Variants in KCND2 observed in about 807,000 individuals in gnomAD.
KCND2 encodes potassium voltage-gated channel subfamily D member 2.
In KCND2, 16 loss-of-function variants were observed where a neutral mutation model predicts 54.4. That is an observed-to-expected ratio of 0.29 (90% confidence interval 0.20 to 0.45). KCND2 has a LOEUF of 0.45. KCND2 is among the 20% of genes least tolerant of loss of function. The pLI, the probability that KCND2 is intolerant of heterozygous loss-of-function variation, is 1.00. For missense variants in KCND2, 486 were observed against 824.2 expected (o/e 0.59, Z 5.02); for synonymous variants, 317 against 310.7 (o/e 1.02, Z -0.21).
At chr7:120,332,834 T>C (rs1800087499) in intron 1 of KCND2, among the ~76,000 whole-genome samples, 1 of 152,124 alleles carries the variant, frequency 6.6e-6, no homozygotes, top group Non-Finnish European at 1.5e-5. Flanking sequence ...GAGTCAACAA[T>C]TTATATAAAG....
chr7:120,613,272 G>A (rs948647537), intron 1 of KCND2, among the ~76,000 whole-genome samples: 1 of 152,164 alleles, frequency 6.6e-6, no homozygotes, highest in African/African-American at 2.4e-5. Flanking sequence ...GTTCATGCCT[G>A]TAATCCCAGC....
chr7:120,660,385 A>C (rs1375757825), intron 1 of KCND2, among the ~76,000 whole-genome samples: 1 of 152,204 alleles, frequency 6.6e-6, no homozygotes, highest in African/African-American at 2.4e-5. Flanking sequence ...CTCTAACTAA[A>C]ACAAAAGTGA....
chr7:120,694,488 C>T (rs1052512142), intron 1 of KCND2, among the ~76,000 whole-genome samples: 1 of 152,152 alleles, frequency 6.6e-6, no homozygotes, highest in Non-Finnish European at 1.5e-5. Context: ...ACCGGCATCT[C>T]TTCCTATGCG....
intron 1 of KCND2, among the ~76,000 whole-genome samples, chr7:120,518,649 T>A (rs1803234098): frequency 6.6e-6 from 1 of 152,204 alleles, no homozygotes; most frequent in South Asian, 2.1e-4. Flanking sequence ...TCATTATAGC[T>A]GCTCTATAGG....
At chr7:120,500,551 C>T (rs1443248645) in intron 1 of KCND2, among the ~76,000 whole-genome samples, 2 of 151,940 alleles carry the variant, frequency 1.3e-5, no homozygotes, top group Admixed American at 6.6e-5. Context: ...CTTCGTAAGA[C>T]CACTATTTGG....
chr7:120,563,181 T>A (rs1200063527), intron 1 of KCND2, among the ~76,000 whole-genome samples: 1 of 152,140 alleles, frequency 6.6e-6, no homozygotes, highest in East Asian at 1.9e-4. Context: ...TTGATCACCA[T>A]TAGACAAATA....
intron 1 of KCND2, among the ~76,000 whole-genome samples, chr7:120,296,249 G>A (rs976458127): frequency 6.6e-6 from 1 of 151,910 alleles, no homozygotes; most frequent in South Asian, 2.1e-4. Flanking sequence ...TTCCAACTTT[G>A]GAAAGCTATG....
intron 1 of KCND2, among the ~76,000 whole-genome samples, chr7:120,371,306 G>T (rs1368605886): frequency 6.6e-6 from 1 of 152,038 alleles, no homozygotes; most frequent in Non-Finnish European, 1.5e-5. Flanking sequence ...CAGGGGCACT[G>T]CCTTATTTTT....
chr7:120,598,637 C>A (rs1322553297), intron 1 of KCND2, among the ~76,000 whole-genome samples: 5 of 151,978 alleles, frequency 3.3e-5, no homozygotes, highest in Non-Finnish European at 5.9e-5. Flanking sequence ...AGTAGTTTTT[C>A]AGATTTTTCA....
At chr7:120,706,824 A>G (rs1393098026) in intron 1 of KCND2, among the ~76,000 whole-genome samples, 2 of 152,160 alleles carry the variant, frequency 1.3e-5, no homozygotes, top group Non-Finnish European at 2.9e-5. Context: ...TTCAGGCTGT[A>G]TACTTAGTGC....
At chr7:120,419,963 C>A (rs1216693676) in intron 1 of KCND2, among the ~76,000 whole-genome samples, 1 of 145,954 alleles carries the variant, frequency 6.9e-6, no homozygotes, top group Non-Finnish European at 1.5e-5. Flanking sequence ...TTTTCCCTCC[C>A]TTCATCTTAC....
intron 1 of KCND2, among the ~76,000 whole-genome samples, chr7:120,419,365 G>A (rs867940794): frequency 6.6e-6 from 1 of 151,872 alleles, no homozygotes; most frequent in South Asian, 2.1e-4. Flanking sequence ...TAAAAGAATT[G>A]GTCAAAGAAA....
chr7:120,493,369 A>G (rs1802810364), intron 1 of KCND2, among the ~76,000 whole-genome samples: 1 of 152,016 alleles, frequency 6.6e-6, no homozygotes, highest in South Asian at 2.1e-4. Context: ...TCTGCAAAAT[A>G]TAGAGCTGTA....
At chr7:120,388,520 A>G (rs1801022167) in intron 1 of KCND2, among the ~76,000 whole-genome samples, 1 of 152,058 alleles carries the variant, frequency 6.6e-6, no homozygotes, top group African/African-American at 2.4e-5. Context: ...AATAAATAAT[A>G]GAGATGGAGG....
At chr7:120,476,296 A>T (rs905067030) in intron 1 of KCND2, among the ~76,000 whole-genome samples, 4 of 152,218 alleles carry the variant, frequency 2.6e-5, no homozygotes, top group Admixed American at 6.5e-5. Context: ...TAAAACACAT[A>T]AACCAACTTA....
chr7:120,314,963 A>G (rs567086310), intron 1 of KCND2, among the ~76,000 whole-genome samples: 1 of 151,636 alleles, frequency 6.6e-6, no homozygotes, highest in Non-Finnish European at 1.5e-5. Flanking sequence ...TTTTTTTTTT[A>G]AAAGAAAGCA....
At chr7:120,652,365 C>T (rs1414179798) in intron 1 of KCND2, among the ~76,000 whole-genome samples, 2 of 152,102 alleles carry the variant, frequency 1.3e-5, no homozygotes, top group South Asian at 4.1e-4. Flanking sequence ...TGAGCAACTG[C>T]GCCTGGCCAG....
At chr7:120,354,453 A>C (rs1800466829) in intron 1 of KCND2, among the ~76,000 whole-genome samples, 1 of 152,220 alleles carries the variant, frequency 6.6e-6, no homozygotes, top group Admixed American at 6.5e-5. Flanking sequence ...TGCAAGCTAC[A>C]GGAGTGGTTT....
rs1799153420 is a variant in KCND2 at position 120,275,037 on chromosome 7, G to A, written c.405G>A (p.Glu135=). The change falls in exon 1 of 6, where the codon GAG becomes GAA. Residue 135 remains glutamate, a synonymous_variant. Transcript: ENST00000331113. ...AAATCATCGGCGACTGCTGTTATGA[G>A]GAGTACAAGGATCGCAGGCGAGAGA... ...IPEIIGDCCY[E]EYKDRRRENA... 5 of 1,614,078 alleles carry A rather than the reference G, an allele frequency of 3.1e-6. No homozygotes were observed. Among genetic ancestry groups the A allele is most frequent in the Non-Finnish European group, 4.2e-6 (5 of 1,180,040 alleles).
Sources: gnomAD v4.1 joint callset for allele counts (sites outside exome capture counted in the v4.1 genomes callset) on GRCh38, gnomAD v4.1.1 for gene constraint, MANE v1.5 for transcripts, NCBI Gene and HGNC (gene_info 2026-07-23, HGNC 2026-07-21) for gene names.